The following RBFOX1 variants were observed in gnomAD, a reference collection of about 807,000 sequenced individuals.
The protein encoded by RBFOX1 is RNA binding protein fox-1 homolog 1.
A neutral mutation model predicts 57.7 loss-of-function variants in RBFOX1; 8 were observed. The ratio of observed to expected loss-of-function variants is 0.14; its 90% CI spans 0.08 to 0.25. The LOEUF (loss-of-function observed/expected upper bound fraction) is 0.25, where lower values mean the gene tolerates loss of function less well. Among genes scored for constraint, RBFOX1 ranks in the 10% least tolerant of loss-of-function variants. RBFOX1 has a pLI of 1.00. For missense variants in RBFOX1, 611 were observed against 548.5 expected (o/e 1.11, Z -1.14); for synonymous variants, 326 against 222.4 (o/e 1.47, Z -4.15).
chr16:7,283,141 G>T (rs950802443), intron 4 of RBFOX1, among the ~76,000 whole-genome samples: 2 of 152,050 alleles, frequency 1.3e-5, no homozygotes, highest in Non-Finnish European at 2.9e-5. Context: ...GGATCAAATG[G>T]TAGTTCTACA....
intron 4 of RBFOX1, among the ~76,000 whole-genome samples, chr16:5,892,521 T>C (rs983155957): frequency 2.0e-5 from 3 of 151,962 alleles, no homozygotes; most frequent in African/African-American, 4.8e-5. Flanking sequence ...ATGATGAAGA[T>C]GAGGAAGAGA....
intron 2 of RBFOX1, among the ~76,000 whole-genome samples, chr16:6,627,628 A>T (rs758764516): frequency 8.5e-5 from 13 of 152,194 alleles, no homozygotes; most frequent in Non-Finnish European, 1.6e-4. Flanking sequence ...ATACTTAAGA[A>T]TATAAGATGT....
At chr16:7,320,485 G>T (rs539844925) in intron 4 of RBFOX1, among the ~76,000 whole-genome samples, 1 of 152,144 alleles carries the variant, frequency 6.6e-6, no homozygotes, top group South Asian at 2.1e-4. Context: ...TCTTTGATGG[G>T]CATTTGTGTT....
intron 3 of RBFOX1, among the ~76,000 whole-genome samples, chr16:5,732,874 C>G (rs1313261694): frequency 6.6e-6 from 1 of 151,974 alleles, no homozygotes; most frequent in African/African-American, 2.4e-5. Context: ...GCAAAGACCC[C>G]AAAAGGAAAA....
chr16:7,678,530 C>T (rs1355744681), intron 14 of RBFOX1, among the ~76,000 whole-genome samples: 1 of 151,990 alleles, frequency 6.6e-6, no homozygotes, highest in Non-Finnish European at 1.5e-5. Flanking sequence ...TAATTATAAT[C>T]ATAGTAACTC....
At chr16:7,488,855 A>G (rs1347057345) in intron 4 of RBFOX1, among the ~76,000 whole-genome samples, 2 of 152,158 alleles carry the variant, frequency 1.3e-5, no homozygotes, top group Non-Finnish European at 2.9e-5. Context: ...TTATCTATCT[A>G]TACATTCATC....
intron 1 of RBFOX1, among the ~76,000 whole-genome samples, chr16:5,461,933 C>G (rs893903989): frequency 6.6e-6 from 1 of 152,056 alleles, no homozygotes; most frequent in African/African-American, 2.4e-5. Context: ...TTCTACTGAA[C>G]AAAAAATATA....
At chr16:5,784,337 G>A (rs1310670889) in intron 3 of RBFOX1, among the ~76,000 whole-genome samples, 1 of 152,104 alleles carries the variant, frequency 6.6e-6, no homozygotes, top group Non-Finnish European at 1.5e-5. Context: ...TGAGGCAGGA[G>A]AATGGCGTGA....
At chr16:7,177,534 T>C (rs78260773) in intron 4 of RBFOX1, among the ~76,000 whole-genome samples, 3,044 of 152,224 alleles carry the variant, frequency 0.02, 105 homozygotes, top group African/African-American at 0.069. Context: ...GGATGCTTTA[T>C]ATGGTTTTCT....
chr16:5,582,418 G>T (rs1330847970), intron 2 of RBFOX1, among the ~76,000 whole-genome samples: 1 of 152,152 alleles, frequency 6.6e-6, no homozygotes, highest in Non-Finnish European at 1.5e-5. Flanking sequence ...GGGTATTGTG[G>T]AACTGAGGTG....
chr16:6,383,161 G>A (rs906327943), intron 2 of RBFOX1, among the ~76,000 whole-genome samples: 1 of 152,226 alleles, frequency 6.6e-6, no homozygotes, highest in African/African-American at 2.4e-5. Context: ...CAACATTTTG[G>A]TAAATCTTCC....
intron 4 of RBFOX1, among the ~76,000 whole-genome samples, chr16:7,505,823 G>C (rs184822218): frequency 3.3e-5 from 5 of 152,126 alleles, no homozygotes; most frequent in African/African-American, 1.2e-4. Context: ...CATGGATTCT[G>C]TCATCTTTGT....
intron 3 of RBFOX1, among the ~76,000 whole-genome samples, chr16:6,898,778 T>C (rs2067631013): frequency 6.6e-6 from 1 of 152,010 alleles, no homozygotes; most frequent in African/African-American, 2.4e-5. Flanking sequence ...CACATGCATC[T>C]GTGTGTATGC....
intron 14 of RBFOX1, among the ~76,000 whole-genome samples, chr16:7,703,008 G>C (rs893543740): frequency 6.6e-6 from 1 of 152,192 alleles, no homozygotes; most frequent in Admixed American, 6.5e-5. Flanking sequence ...GGGGTAGACA[G>C]CAGAACTGCT....
At position 6,780,592 on chromosome 16, in the gene RBFOX1, A is replaced by G. The variant is rs868153017; in HGVS notation, c.-16+125942A>G. 1.4e-3 allele frequency among the ~76,000 whole-genome samples: 193 copies of G among 137,568 alleles called. 1 individual carries two copies. Among genetic ancestry groups the G allele is most frequent in the Middle Eastern group, 3.9e-3 (1 of 258 alleles). The allele number at this position is 137,568 out of a possible 152,430, so 90.2% of individuals were successfully genotyped here. A position where few individuals can be genotyped will look rare whatever the true frequency, so the allele number is the denominator to read the frequency against. ...TATATTTATATATATATTTATATATATATTTCTTTTTTGTTTTTTGTTTTT... is the reference window on the plus strand; with the variant it reads ...TATATTTATATATATATTTATATATGTATTTCTTTTTTGTTTTTTGTTTTT... On this transcript the variant is annotated intron_variant, in intron 3 of 15. Transcript: ENST00000550418.
intron 3 of RBFOX1, among the ~76,000 whole-genome samples, chr16:5,854,932 T>A (rs1214001660): frequency 6.6e-6 from 1 of 152,210 alleles, no homozygotes; most frequent in Non-Finnish European, 1.5e-5. Flanking sequence ...AAGTGTGAGG[T>A]GATACCTCAT....
chr16:5,382,275 A>C (rs557565939), intron 1 of RBFOX1, among the ~76,000 whole-genome samples: 1 of 152,330 alleles, frequency 6.6e-6, no homozygotes, highest in South Asian at 2.1e-4. Context: ...AAAATGCTCA[A>C]ATAGTTCCAA....
At chr16:6,601,995 A>C (rs2097859054) in intron 2 of RBFOX1, among the ~76,000 whole-genome samples, 1 of 151,054 alleles carries the variant, frequency 6.6e-6, no homozygotes, top group East Asian at 1.9e-4. Context: ...CAGGTAGGAC[A>C]GGGGATGGAG....
chr16:6,178,413 G>A (rs540942734), intron 1 of RBFOX1, among the ~76,000 whole-genome samples: 1 of 151,906 alleles, frequency 6.6e-6, no homozygotes, highest in Non-Finnish European at 1.5e-5. Context: ...TCAAACTCCT[G>A]ACCTCGTGAT....
Sources: allele counts gnomAD v4.1 joint callset (sites outside exome capture counted in the v4.1 genomes callset), GRCh38; gene constraint gnomAD v4.1.1; transcripts MANE v1.5; gene names NCBI Gene and HGNC (gene_info 2026-07-23, HGNC 2026-07-21).